PEBP4: variants seen among roughly 807,000 people sequenced by gnomAD.
The protein encoded by PEBP4 is phosphatidylethanolamine-binding protein 4.
A neutral mutation model predicts 23.9 loss-of-function variants in PEBP4; 22 were observed. That is an observed-to-expected ratio of 0.92 (90% CI 0.66 to 1.31). The LOEUF (loss-of-function observed/expected upper bound fraction) is 1.31. Ranked by LOEUF, PEBP4 falls within the 40% of genes most tolerant of loss-of-function variation. The pLI, the probability that PEBP4 is intolerant of heterozygous loss-of-function variation, is 0.00. For missense variants in PEBP4, 324 were observed against 281.7 expected, an observed-to-expected ratio of 1.15 and a Z score of -1.07; for synonymous variants, 112 against 99.3, an observed-to-expected ratio of 1.13 and a Z score of -0.76.
intron 3 of PEBP4, among the ~76,000 whole-genome samples, chr8:22,877,576 C>A (rs566199664): frequency 1.3e-5 from 2 of 152,170 alleles, no homozygotes; most frequent in Non-Finnish European, 2.9e-5. Context: ...TGTGAACACA[C>A]GGGCGGGCTC....
At chr8:22,853,502 T>C (rs1198432568) in intron 3 of PEBP4, among the ~76,000 whole-genome samples, 3 of 152,266 alleles carry the variant, frequency 2.0e-5, no homozygotes, top group Non-Finnish European at 4.4e-5. Context: ...CTCAAAGCCC[T>C]GTGAAGTAAG....
At chr8:22,892,114 G>C (rs1808507364) in intron 3 of PEBP4, among the ~76,000 whole-genome samples, 1 of 151,572 alleles carries the variant, frequency 6.6e-6, no homozygotes. Context: ...AAAGTAGAGG[G>C]ACTAAGAGTC....
intron 4 of PEBP4, among the ~76,000 whole-genome samples, chr8:22,794,755 A>G (rs558542683): frequency 1.0e-3 from 154 of 152,216 alleles, no homozygotes; most frequent in African/African-American, 3.6e-3. Flanking sequence ...TTGGTCAATT[A>G]TTTCACTTCT....
rs1808766545 is a variant in PEBP4, at chr8:22,904,263, A to G, written c.258+15921T>C. 2.0e-5 allele frequency among the ~76,000 whole-genome samples: 3 copies of G among 152,122 alleles called. No homozygotes were observed. The South Asian group carries it at 6.2e-4, about 32-fold the overall frequency. On this transcript the variant is annotated intron_variant, in intron 3 of 6. Coordinates refer to ENST00000256404, the MANE Select transcript of PEBP4 (RefSeq NM_144962.3). ...GGGCTCTCCGTACCTGGAAGAGGAGAAGGAGCCAGGATAAGGCTGAGGGAG... is the reference window on the plus strand; with the variant it reads ...GGGCTCTCCGTACCTGGAAGAGGAGGAGGAGCCAGGATAAGGCTGAGGGAG...
upstream of PEBP4, among the ~76,000 whole-genome samples, chr8:22,930,801 C>T (rs761029628): frequency 1.3e-5 from 2 of 152,092 alleles, no homozygotes; most frequent in South Asian, 2.1e-4. Context: ...ATCTGAAAGC[C>T]GTGTTCAAGC....
chr8:22,893,578 A>G (rs1330926453), intron 3 of PEBP4, among the ~76,000 whole-genome samples: 1 of 152,240 alleles, frequency 6.6e-6, no homozygotes, highest in African/African-American at 2.4e-5. Flanking sequence ...GAAGGCTTAT[A>G]TATTCCCAGA....
At chr8:22,744,014 T>C (rs1395720272) in intron 4 of PEBP4, among the ~76,000 whole-genome samples, 1 of 152,182 alleles carries the variant, frequency 6.6e-6, no homozygotes, top group Non-Finnish European at 1.5e-5. Flanking sequence ...TGCAGGCCAG[T>C]GTGACCTGCT....
At chr8:22,807,201 G>A (rs1179631866) in intron 4 of PEBP4, among the ~76,000 whole-genome samples, 1 of 152,166 alleles carries the variant, frequency 6.6e-6, no homozygotes, top group Admixed American at 6.5e-5. Flanking sequence ...GCATGTTTGT[G>A]GATTGCAGAA....
In PEBP4 at chr8:22,748,210, G is replaced by T. The variant is rs759586251; in HGVS notation, c.358-20990C>A. On this transcript the variant is annotated intron_variant, in intron 4 of 6. Coordinates refer to ENST00000256404, the MANE Select transcript of PEBP4 (RefSeq NM_144962.3). ...AAAAGGGGAGCCCTTCTCCAAGAGG[G>T]GGCTGCGCTCAGGCTGCTAGGGTAT... Among the ~76,000 whole-genome samples, 265 of 152,116 alleles carry T rather than the reference G, an allele frequency of 1.7e-3. 4 individuals are homozygous for T. The highest frequency in any genetic ancestry group is 1.3e-3 in the Admixed American group (20 of 15,276).
At chr8:22,732,082 T>G (rs1309700823) in intron 4 of PEBP4, among the ~76,000 whole-genome samples, 1 of 151,500 alleles carries the variant, frequency 6.6e-6, no homozygotes, top group Non-Finnish European at 1.5e-5. Context: ...CCAGGATGGG[T>G]TTTTCAGGAG....
At chr8:22,742,345 C>G (rs1017103317) in intron 4 of PEBP4, among the ~76,000 whole-genome samples, 1 of 152,202 alleles carries the variant, frequency 6.6e-6, no homozygotes, top group Admixed American at 6.5e-5. Context: ...CCTGCACCAG[C>G]GGGGTGGGCT....
intron 4 of PEBP4, chr8:22,745,531 A>G (rs1360639234): frequency 6.6e-6 from 1 of 152,186 alleles, no homozygotes; most frequent in Non-Finnish European, 1.5e-5. Context: ...TCTCAGTCTC[A>G]AGTGTACTAC....
intron 4 of PEBP4, among the ~76,000 whole-genome samples, chr8:22,751,630 CTGTG>C (rs66800038): frequency 0.3 from 41,112 of 137,212 alleles, 6,308 homozygotes; most frequent in Non-Finnish European, 0.36. Flanking sequence ...GTGTGTGTCT[CTGTG>C]TGTGTGTGTG....
At chr8:22,790,801 T>C (rs1052494468) in intron 4 of PEBP4, among the ~76,000 whole-genome samples, 1 of 152,174 alleles carries the variant, frequency 6.6e-6, no homozygotes, top group Non-Finnish European at 1.5e-5. Flanking sequence ...AAGGGCTTTT[T>C]GGCTAATTGT....
At chr8:22,749,247 C>T (rs1214577331) in intron 4 of PEBP4, among the ~76,000 whole-genome samples, 1 of 152,192 alleles carries the variant, frequency 6.6e-6, no homozygotes, top group African/African-American at 2.4e-5. Flanking sequence ...TAGCTGGCAG[C>T]CCTGACTTCC....
intron 3 of PEBP4, among the ~76,000 whole-genome samples, chr8:22,871,797 C>T (rs1388665135): frequency 1.3e-5 from 2 of 148,354 alleles, no homozygotes; most frequent in East Asian, 4.0e-4. Flanking sequence ...CCTGATCCAC[C>T]CGCCTCGGCC....
chr8:22,928,438 A>T (rs977871663), upstream of PEBP4, among the ~76,000 whole-genome samples: 6 of 152,136 alleles, frequency 3.9e-5, no homozygotes, highest in Non-Finnish European at 5.9e-5. Flanking sequence ...CACTCTCCCA[A>T]AATAATCGTA....
At chr8:22,772,377 C>G (rs975628626) in intron 4 of PEBP4, among the ~76,000 whole-genome samples, 1 of 152,168 alleles carries the variant, frequency 6.6e-6, no homozygotes, top group Non-Finnish European at 1.5e-5. Context: ...ACTGTAAGCA[C>G]TCAGTAACTC....
At chr8:22,933,390 C>T (rs1449599810) in intron 1 of PEBP4, among the ~76,000 whole-genome samples, 2 of 152,106 alleles carry the variant, frequency 1.3e-5, no homozygotes, top group Admixed American at 1.3e-4. Context: ...CTGTTGGAAG[C>T]CAAAGACAAA....
Sources: allele counts gnomAD v4.1 joint callset (sites outside exome capture counted in the v4.1 genomes callset), GRCh38; gene constraint gnomAD v4.1.1; transcripts MANE v1.5; gene names NCBI Gene and HGNC (gene_info 2026-07-23, HGNC 2026-07-21).